Variants in HNRNPA2B1 observed in about 807,000 individuals in gnomAD.
HNRNPA2B1 encodes heterogeneous nuclear ribonucleoproteins A2/B1.
A neutral mutation model predicts 46.3 loss-of-function variants in HNRNPA2B1; 3 were observed. The ratio of observed to expected loss-of-function variants is 0.06; its 90% CI spans 0.03 to 0.17. HNRNPA2B1 has a LOEUF of 0.17. HNRNPA2B1 is among the 10% of genes least tolerant of loss of function. The pLI, the probability that HNRNPA2B1 is intolerant of heterozygous loss-of-function variation, is 1.00. For missense variants in HNRNPA2B1, 221 were observed against 418.9 expected, an observed-to-expected ratio of 0.53 and a Z score of 4.12; for synonymous variants, 225 against 133.8, an observed-to-expected ratio of 1.68 and a Z score of -4.70.
At position 26,197,742 on chromosome 7, in the gene HNRNPA2B1, A is replaced by G; in HGVS notation, c.7-10T>C. ...ACTGTTCCTTTTCTCTCTGCAAAGG[A>G]AAATACCATTTCAATTTTTATTTAC... On this transcript the variant is annotated splice_polypyrimidine_tract_variant and intron_variant, in intron 1 of 10. Coordinates refer to ENST00000618183, the MANE Select transcript of HNRNPA2B1 (RefSeq NM_002137.4). The G allele has an allele frequency of 3.7e-6, 6 of 1,606,470 alleles. No individual in the cohort carries two copies. The highest frequency in any genetic ancestry group is 5.1e-6 in the Non-Finnish European group (6 of 1,175,430).
intron 8 of HNRNPA2B1, 98 bp from the exon 9 acceptor site, chr7:26,193,471 C>G (rs1260926338): frequency 6.5e-7 from 1 of 1,528,132 alleles, no homozygotes; most frequent in African/African-American, 1.4e-5. Flanking sequence ...CACTTATCCA[C>G]AAATTTTATG....
At chr7:26,194,065 G>C (rs1040043508) in intron 7 of HNRNPA2B1, among the ~76,000 whole-genome samples, 1 of 152,138 alleles carries the variant, frequency 6.6e-6, no homozygotes, top group Non-Finnish European at 1.5e-5. Flanking sequence ...AAAAGATAAA[G>C]TTTCTATTAT....
intron 7 of HNRNPA2B1, 22 bp downstream of exon 7, chr7:26,195,825 C>T (rs1451488755): frequency 1.9e-6 from 3 of 1,605,072 alleles, no homozygotes; most frequent in African/African-American, 2.7e-5. Context: ...ATAAACAAAC[C>T]AAAACGTAGA....
intron 7 of HNRNPA2B1, chr7:26,195,607 G>A (rs1783489989): frequency 2.0e-6 from 1 of 497,490 alleles, no homozygotes. Context: ...CATTTTGCTT[G>A]AGAAAAGATG....
intron 1 of HNRNPA2B1, chr7:26,199,801 G>A (rs1162968933): frequency 4.6e-5 from 7 of 152,150 alleles, no homozygotes; most frequent in Admixed American, 4.6e-4. Context: ...TTGTCCTACG[G>A]CTCGCATTGA....
rs759431743 is a variant in HNRNPA2B1, at chr7:26,196,499, G to A, written c.578-18C>T. 8 of 1,613,684 alleles carry A rather than the reference G, an allele frequency of 5.0e-6. No individual in the cohort carries two copies. The highest frequency in any genetic ancestry group is 1.6e-4 in the Middle Eastern group (1 of 6,084). On this transcript the variant is annotated intron_variant, in intron 5 of 10. Coordinates refer to ENST00000618183, the MANE Select transcript of HNRNPA2B1 (RefSeq NM_002137.4). The stretch of plus-strand genomic sequence containing the variant: ...AAAGTTGCCTACAATAAATGCCCCA[G>A]TTAGAAGCAAGCCCTTATATATGAA...
In HNRNPA2B1 at chr7:26,190,682, G is replaced by C. The variant is rs902512333; in HGVS notation, c.*1678C>G. 6.6e-6 allele frequency: 1 copy of C among 152,166 alleles called. No individual in the cohort carries two copies. Among genetic ancestry groups the C allele is most frequent in the Admixed American group, 6.5e-5 (1 of 15,286 alleles). The allele number at this position is 152,166 out of a possible 1,614,324, so 9.4% of individuals were successfully genotyped here. A position where few individuals can be genotyped will look rare whatever the true frequency, so the allele number is the denominator to read the frequency against. On this transcript the variant is annotated 3_prime_UTR_variant, in exon 11 of 11. Transcript: ENST00000618183. ...ACCTACAACTTTCTCTTCAGGGTAAGACACTGAACTAGAATTACCACATTT... is the reference window on the plus strand; with the variant it reads ...ACCTACAACTTTCTCTTCAGGGTAACACACTGAACTAGAATTACCACATTT...
intron 1 of HNRNPA2B1, chr7:26,199,756 GAA>G (rs962911621): frequency 1.3e-5 from 2 of 151,696 alleles, no homozygotes; most frequent in Admixed American, 6.6e-5. Flanking sequence ...TTACTCAAAG[GAA>G]AAAAAAGACA....
chr7:26,193,444 A>G, intron 8 of HNRNPA2B1, 71 bp from the exon 9 acceptor site: 1 of 1,545,846 alleles, frequency 6.5e-7, no homozygotes, highest in Non-Finnish European at 8.8e-7. Context: ...GCTCCCATAA[A>G]AACAAATAAA....
intron 6 of HNRNPA2B1, among the ~76,000 whole-genome samples, 183 bp downstream of exon 6, chr7:26,196,215 CTGT>C (rs1465978151): frequency 2.0e-5 from 3 of 152,196 alleles, no homozygotes; most frequent in Non-Finnish European, 4.4e-5. Flanking sequence ...ATAAATACAA[CTGT>C]TATTAATACA....
At chr7:26,197,504 A>T (rs982987703) in intron 2 of HNRNPA2B1, 43 bp from the exon 3 acceptor site, 8 of 1,597,812 alleles carry the variant, frequency 5.0e-6, no homozygotes, top group Non-Finnish European at 6.8e-6. Flanking sequence ...ATCTCATTAT[A>T]GCTTATAAGT....
intron 1 of HNRNPA2B1, chr7:26,197,978 T>G: frequency 1.7e-6 from 1 of 572,236 alleles, no homozygotes; most frequent in Non-Finnish European, 3.0e-6. Flanking sequence ...TCAAAGTCAT[T>G]AATGCTTGAT....
intron 4 of HNRNPA2B1, 61 bp from the exon 5 acceptor site, chr7:26,196,719 G>C: frequency 6.4e-7 from 1 of 1,568,760 alleles, no homozygotes; most frequent in Non-Finnish European, 8.7e-7. Flanking sequence ...AGCTTCAAAA[G>C]TTTACCTTTC....
At chr7:26,194,062 A>G (rs968904825) in intron 7 of HNRNPA2B1, among the ~76,000 whole-genome samples, 2 of 152,216 alleles carry the variant, frequency 1.3e-5, no homozygotes, top group Non-Finnish European at 2.9e-5. Flanking sequence ...CCCAAAAGAT[A>G]AAGTTTCTAT....
intron 9 of HNRNPA2B1, 71 bp from the exon 10 acceptor site, chr7:26,192,648 T>A (rs1783030767): frequency 8.1e-7 from 1 of 1,234,376 alleles, no homozygotes; most frequent in African/African-American, 1.5e-5. Flanking sequence ...ACACTACAGT[T>A]GATTCTATTT....
At chr7:26,195,050 G>A (rs993859724) in intron 7 of HNRNPA2B1, among the ~76,000 whole-genome samples, 3 of 131,876 alleles carry the variant, frequency 2.3e-5, no homozygotes, top group Admixed American at 1.7e-4. Flanking sequence ...GCAGAGACGC[G>A]CCACTACACT....
At chr7:26,195,938 T>G (rs1449751471) in intron 6 of HNRNPA2B1, 29 bp from the exon 7 acceptor site, 2 of 1,584,150 alleles carry the variant, frequency 1.3e-6, no homozygotes, top group African/African-American at 2.7e-5. Flanking sequence ...AGATTACGTT[T>G]ACTATAAACT....
At chr7:26,194,381 G>A (rs954324474) in intron 7 of HNRNPA2B1, among the ~76,000 whole-genome samples, 1 of 151,960 alleles carries the variant, frequency 6.6e-6, no homozygotes, top group Non-Finnish European at 1.5e-5. Context: ...GGGCGACAGA[G>A]AGAGACTCCC....
intron 7 of HNRNPA2B1, among the ~76,000 whole-genome samples, chr7:26,195,092 C>CAAAAAAAAAAA (rs11356411): frequency 1.2e-4 from 6 of 51,950 alleles, no homozygotes; most frequent in Non-Finnish European, 2.3e-4. Context: ...GGCTCCGTCT[C>CAAAAAAAAAAA]AAAAAAAAAA....
Sources: gnomAD v4.1 joint callset for allele counts (sites outside exome capture counted in the v4.1 genomes callset) on GRCh38, gnomAD v4.1.1 for gene constraint, MANE v1.5 for transcripts, NCBI Gene and HGNC (gene_info 2026-07-23, HGNC 2026-07-21) for gene names.